Variants in H2AZ2 observed in about 807,000 individuals in gnomAD.
H2AZ2 encodes the protein H2A.Z variant histone 2.
H2AZ2 carries 5 observed loss-of-function variants against 15.5 expected under a neutral mutation model. That is an observed-to-expected ratio of 0.32 (90% CI 0.17 to 0.68). The LOEUF (loss-of-function observed/expected upper bound fraction) is 0.68. H2AZ2 is among the 30% of genes least tolerant of loss of function. The probability of loss-of-function intolerance (pLI) is 0.72; values close to 1 mark genes in which losing one functional copy is unlikely to be tolerated. For missense variants in H2AZ2, 42 were observed against 162.5 expected (o/e 0.26, Z 4.03); for synonymous variants, 44 against 57.4 (o/e 0.77, Z 1.05).
chr7:44,846,733 A>C (rs12702096), intron 1 of H2AZ2, among the ~76,000 whole-genome samples: 109,121 of 151,360 alleles, frequency 0.72, 43,105 homozygotes, highest in Non-Finnish European at 0.9. Flanking sequence ...ATTAGATGTA[A>C]GCTGTACCTC....
chr7:44,844,503 G>A (rs187165637), intron 1 of H2AZ2, among the ~76,000 whole-genome samples: 65 of 152,198 alleles, frequency 4.3e-4, no homozygotes, highest in Non-Finnish European at 8.2e-4. Context: ...ATAGGTGCGC[G>A]CCACCATGCC....
At chr7:44,836,287 T>C (rs1434743542) in intron 3 of H2AZ2, among the ~76,000 whole-genome samples, 3 of 152,260 alleles carry the variant, frequency 2.0e-5, no homozygotes, top group Non-Finnish European at 4.4e-5. Flanking sequence ...TAATATATAC[T>C]TGTAGACCAT....
At chr7:44,835,752 A>C (rs1793103994) in intron 3 of H2AZ2, 94 bp from the exon 4 acceptor site, 13 of 1,025,038 alleles carry the variant, frequency 1.3e-5, no homozygotes, top group Non-Finnish European at 1.8e-5. Flanking sequence ...TGCACACACA[A>C]TACATAAACT....
chr7:44,828,224 CTTA>C (rs928970270), downstream of H2AZ2: 1 of 152,138 alleles, frequency 6.6e-6, no homozygotes, highest in Non-Finnish European at 1.5e-5. Context: ...TCACACATTA[CTTA>C]TTATTATTAC....
rs554408192 is a variant in H2AZ2, at chr7:44,843,360, T to C, written c.4-6A>G. ...TTTCCAGCTTTGCCTCCAGCCTAAATGCAAAAAAAAATTTTTTTGAATGAA... is the reference window on the plus strand; with the variant it reads ...TTTCCAGCTTTGCCTCCAGCCTAAACGCAAAAAAAAATTTTTTTGAATGAA... On this transcript the variant is annotated splice_polypyrimidine_tract_variant and splice_region_variant and intron_variant, in intron 1 of 4. Transcript: ENST00000308153. The C allele has an allele frequency of 3.1e-6, 5 of 1,604,482 alleles. No homozygotes were observed. The Admixed American group carries it at 5.2e-5, about 17-fold the overall frequency.
At chr7:44,840,045 T>TAAATAAA (rs1562787623) in intron 3 of H2AZ2, among the ~76,000 whole-genome samples, 3 of 132,734 alleles carry the variant, frequency 2.3e-5, no homozygotes, top group Admixed American at 1.4e-4. Flanking sequence ...AAATAAATAA[T>TAAATAAA]TAGCCAGGTG....
downstream of H2AZ2, chr7:44,827,613 T>A (rs1369282957): frequency 1.3e-5 from 2 of 152,242 alleles, no homozygotes; most frequent in Non-Finnish European, 2.9e-5. Flanking sequence ...AATAATTTTT[T>A]AAAATTTTAA....
At chr7:44,828,134 G>A (rs2117015814), downstream of H2AZ2, 1 of 152,202 alleles carries the variant, frequency 6.6e-6, no homozygotes, top group South Asian at 2.1e-4. Context: ...CCAACTCAGG[G>A]ATAACAATAC....
intron 2 of H2AZ2, among the ~76,000 whole-genome samples, chr7:44,842,684 T>C (rs1452240237): frequency 2.6e-5 from 4 of 152,180 alleles, no homozygotes; most frequent in African/African-American, 7.2e-5. Context: ...AAATTCTAAT[T>C]GGGAATATAC....
At chr7:44,829,965 T>C, downstream of H2AZ2, 1 of 533,556 alleles carries the variant, frequency 1.9e-6, no homozygotes, top group Non-Finnish European at 3.4e-6. Flanking sequence ...AAATCAAAGC[T>C]GCTCTGAAGC....
rs772402936 is a variant in H2AZ2 at position 44,834,567 on chromosome 7, A to G, written c.326-5T>C. The G allele has an allele frequency of 8.2e-6, 13 of 1,592,362 alleles. No individual in the cohort carries two copies. Among genetic ancestry groups the G allele is most frequent in the African/African-American group, 1.3e-5 (1 of 74,304 alleles). On this transcript the variant is annotated splice_polypyrimidine_tract_variant and splice_region_variant and intron_variant, in intron 4 of 4. Coordinates refer to ENST00000308153, the MANE Select transcript of H2AZ2 (RefSeq NM_012412.5). ...TGTGGATGTGAGGGATCACACCTAG[A>G]ATGAAATTTAAAAAAGTTATTAAAA...
At chr7:44,840,499 G>A (rs1793249013) in intron 3 of H2AZ2, among the ~76,000 whole-genome samples, 1 of 152,146 alleles carries the variant, frequency 6.6e-6, no homozygotes, top group Non-Finnish European at 1.5e-5. Flanking sequence ...GGCCGGACGT[G>A]GTGGCTCAAG....
In H2AZ2 at chr7:44,834,159, G is replaced by A. The variant is rs1194115466; in HGVS notation, c.*342C>T. ...AGGTTACTCTGAATAACCAATCTGA[G>A]ATTTAAAATATTTAAAGTCTGAGTA... On this transcript the variant is annotated 3_prime_UTR_variant, in exon 5 of 5. Transcript: ENST00000308153. 2.0e-6 allele frequency: 2 copies of A among 999,114 alleles called. No individual in the cohort carries two copies. The highest frequency in any genetic ancestry group is 2.4e-6 in the Non-Finnish European group (2 of 827,356). The allele number at this position is 999,114 out of a possible 1,614,324, so 61.9% of individuals were successfully genotyped here.
rs1336831296 is a variant in H2AZ2, at chr7:44,847,962, C to T, written c.3+7G>A. ...CCCGTGCCCCCGGCCCACCCGGCCG[C>T]CCTTACCATGTTCTCGGCGCCGACT... is the stretch of plus-strand genomic sequence containing the variant. On this transcript the variant is annotated splice_region_variant and intron_variant, in intron 1 of 4. Coordinates refer to ENST00000308153, the MANE Select transcript of H2AZ2 (RefSeq NM_012412.5). 1.3e-6 allele frequency: 2 copies of T among 1,488,030 alleles called. No homozygotes were observed. Among genetic ancestry groups the T allele is most frequent in the African/African-American group, 1.5e-5 (1 of 68,868 alleles). The allele number at this position is 1,488,030 out of a possible 1,614,324, so 92.2% of individuals were successfully genotyped here.
chr7:44,840,218 G>C (rs1336244489), intron 3 of H2AZ2, among the ~76,000 whole-genome samples: 1 of 151,770 alleles, frequency 6.6e-6, no homozygotes, highest in East Asian at 1.9e-4. Flanking sequence ...AAAAATAAAA[G>C]ATAAGAGATT....
upstream of H2AZ2, chr7:44,848,088 G>T: frequency 1.9e-6 from 1 of 532,514 alleles, no homozygotes; most frequent in Non-Finnish European, 2.8e-6. Context: ...AATACCCCGT[G>T]CCCGCCTCGC....
chr7:44,842,654 A>T (rs12702094), intron 2 of H2AZ2, among the ~76,000 whole-genome samples: 46,453 of 152,078 alleles, frequency 0.31, 8,241 homozygotes, highest in Non-Finnish European at 0.4. Context: ...TTCTACTTCA[A>T]ATTAAGTATG....
Position 44,833,792 on chromosome 7 carries a change from G to A in H2AZ2, c.*709C>T, listed in dbSNP as rs377212679. The A allele has an allele frequency of 5.9e-6, 4 of 681,400 alleles. No individual in the cohort carries two copies. Among genetic ancestry groups the A allele is most frequent in the Non-Finnish European group, 7.2e-6 (4 of 552,370 alleles). 42.2% of individuals were successfully genotyped at this position (681,400 alleles called of 1,614,324 possible). Reference sequence around the variant, plus strand: ...TCTATCTACCAGTTCAATGTTTTTTGGCATAGCACACAATTTCTGTGACCC... The same window carrying A: ...TCTATCTACCAGTTCAATGTTTTTTAGCATAGCACACAATTTCTGTGACCC... On this transcript the variant is annotated 3_prime_UTR_variant, in exon 5 of 5. Transcript: ENST00000308153.
rs55941046 is a variant in H2AZ2 at position 44,843,137 on chromosome 7, C to CAA, written c.81+138_81+139dup. 4.8e-3 allele frequency: 414 copies of CAA among 86,178 alleles called. 149 individuals carry two copies. The highest frequency in any genetic ancestry group is 0.017 in the African/African-American group (115 of 6,662). The allele number at this position is 86,178 out of a possible 1,614,324, so 5.3% of individuals were successfully genotyped here. ...CTGACGACAGAGTGAGACTCTGTCT[C>CAA]AAAAAAAAAAAAAAAAAAAAAAAAA... On this transcript the variant is annotated intron_variant, in intron 2 of 4. Transcript: ENST00000308153.
Sources: allele counts gnomAD v4.1 joint callset (sites outside exome capture counted in the v4.1 genomes callset), GRCh38; gene constraint gnomAD v4.1.1; transcripts MANE v1.5; gene names NCBI Gene and HGNC (gene_info 2026-07-23, HGNC 2026-07-21).